Variants in RPL39 observed in about 807,000 individuals in gnomAD.
RPL39 encodes the protein ribosomal protein L39, also known as large ribosomal subunit protein eL39.
For missense variants in RPL39, 6 were observed against 37.2 expected, an observed-to-expected ratio of 0.16 and a Z score of 2.18; for synonymous variants, 8 against 11.4, an observed-to-expected ratio of 0.70 and a Z score of 0.60.
chrX:119,791,222 G>C (rs1285017810), intron 1 of RPL39: 2 of 225,966 alleles, frequency 8.9e-6, no homozygotes, highest in African/African-American at 5.8e-5. Context: ...GCAGCCCACA[G>C]TCAGGCCACG....
At chrX:119,791,412 C>T in intron 1 of RPL39, 162 bp downstream of exon 1, 1 of 440,591 alleles carries the variant, frequency 2.3e-6, no homozygotes, top group Non-Finnish European at 3.5e-6. Flanking sequence ...ACTAGCTTCC[C>T]TCCAGGCCAC....
intron 1 of RPL39, chrX:119,790,933 C>T (rs2055696748): frequency 8.9e-6 from 1 of 112,205 alleles, no homozygotes; most frequent in Non-Finnish European, 1.9e-5. Context: ...CTTATCGCCT[C>T]CATATCTAGA....
At chrX:119,790,817 G>A (rs182612648) in intron 1 of RPL39, 2 of 110,599 alleles carry the variant, frequency 1.8e-5, no homozygotes, top group African/African-American at 6.6e-5. Flanking sequence ...ATAATAATGG[G>A]AGCCAATACA....
chrX:119,787,273 C>A, intron 2 of RPL39: 1 of 328,014 alleles, frequency 3.0e-6, no homozygotes. Flanking sequence ...AGGCATGAGC[C>A]ACTGCACCTG....
In RPL39 at chrX:119,786,657, T is replaced by C; in HGVS notation, c.*27A>G. On this transcript the variant is annotated 3_prime_UTR_variant, in exon 3 of 3. Coordinates refer to ENST00000361575, the MANE Select transcript of RPL39 (RefSeq NM_001000.4). ...GATCGTGACCTTCAGACAGCATAAA[T>C]ATGTGTGCCATCTCATGTGCAATTC... is the stretch of plus-strand genomic sequence containing the variant. The C allele has an allele frequency of 4.5e-6, 5 of 1,102,120 alleles. No homozygotes were observed. The highest frequency in any genetic ancestry group is 6.3e-6 in the Non-Finnish European group (5 of 799,461). 90.8% of individuals were successfully genotyped at this position (1,102,120 alleles called of 1,213,427 possible). A position where few individuals can be genotyped will look rare whatever the true frequency, so the allele number is the denominator to read the frequency against.
At chrX:119,787,562 A>G (rs2055674160) in intron 2 of RPL39, 3 of 322,409 alleles carry the variant, frequency 9.3e-6, no homozygotes, top group Admixed American at 3.2e-5. Context: ...GGTCAAGGGT[A>G]TATAATCTTA....
chrX:119,786,855 T>C (rs1483692878), intron 2 of RPL39, 123 bp from the exon 3 acceptor site: 8 of 518,891 alleles, frequency 1.5e-5, no homozygotes, highest in African/African-American at 2.4e-5. Context: ...TCTAACAAGT[T>C]TGGAGTTCTT....
intron 1 of RPL39, 118 bp downstream of exon 1, chrX:119,791,456 T>A: frequency 1.5e-6 from 1 of 675,271 alleles, no homozygotes. Context: ...GATATTTTCT[T>A]GAAAAAGCCT....
At chrX:119,791,273 A>AT in intron 1 of RPL39, 1 of 266,348 alleles carries the variant, frequency 3.8e-6, no homozygotes. Flanking sequence ...CCGCCTCCAG[A>AT]ACGAGTTCGC....
In RPL39 at chrX:119,791,596, AAC is replaced by A. The variant is rs1454513935; in HGVS notation, c.-22_-21del. On this transcript the variant is annotated 5_prime_UTR_variant, in exon 1 of 3. Coordinates refer to ENST00000361575, the MANE Select transcript of RPL39 (RefSeq NM_001000.4). Reference sequence around the variant, plus strand: ...TACCATGGCGAGCAGCGGAGTCAAGAACACACCACGATGGCGGAGAAAGGAAG... The same window carrying A: ...TACCATGGCGAGCAGCGGAGTCAAGAACACCACGATGGCGGAGAAAGGAAG... 5.1e-6 allele frequency: 6 copies of A among 1,174,655 alleles called. No homozygotes were observed. The highest frequency in any genetic ancestry group is 6.8e-6 in the Non-Finnish European group (6 of 876,060).
chrX:119,787,873 G>T (rs1301430589), intron 2 of RPL39, among the ~76,000 whole-genome samples: 1 of 110,739 alleles, frequency 9.0e-6, no homozygotes, highest in Non-Finnish European at 1.9e-5. Context: ...GCCCAGGCTG[G>T]TCTCAAATTC....
intron 2 of RPL39, among the ~76,000 whole-genome samples, chrX:119,789,496 G>A (rs1288323880): frequency 8.9e-6 from 1 of 112,493 alleles, no homozygotes; most frequent in Non-Finnish European, 1.9e-5. Context: ...GGCAGAGGTT[G>A]CAGTGAGCCG....
At chrX:119,790,487 C>T (rs191578382) in intron 1 of RPL39, 3 of 114,219 alleles carry the variant, frequency 2.6e-5, no homozygotes, top group African/African-American at 6.5e-5. Flanking sequence ...GGGGTACGTA[C>T]TTTTCAAGTG....
chrX:119,789,080 C>T (rs946884831), intron 2 of RPL39, among the ~76,000 whole-genome samples: 44 of 110,095 alleles, frequency 4.0e-4, no homozygotes, highest in Admixed American at 2.9e-4. Flanking sequence ...GCTTGGGCAA[C>T]ACAGAGAGAC....
intron 2 of RPL39, among the ~76,000 whole-genome samples, chrX:119,789,402 T>C (rs1460800501): frequency 9.0e-6 from 1 of 111,416 alleles, no homozygotes; most frequent in Non-Finnish European, 1.9e-5. Context: ...ACTAAAAATA[T>C]AAAACTTAGC....
At position 119,787,220 on chromosome X, in the gene RPL39, T is replaced by TTC. The variant is rs769788222; in HGVS notation, c.108-490_108-489dup. ...CAGGCTGGTCTCGAACTGGCTGGAC[T>TTC]TCGAGATCCACCCGCCTCGTCCTCC... is the stretch of plus-strand genomic sequence containing the variant. On this transcript the variant is annotated intron_variant, in intron 2 of 2. Transcript: ENST00000361575. 133 of 266,604 alleles carry TTC rather than the reference T, an allele frequency of 5.0e-4. 1 individual carries two copies. Among genetic ancestry groups the TTC allele is most frequent in the Middle Eastern group, 2.4e-3 (2 of 836 alleles). 22.0% of individuals were successfully genotyped at this position (266,604 alleles called of 1,213,427 possible).
rs774440656 is a variant in RPL39, at chrX:119,791,607, A to G, written c.-31T>C. The G allele has an allele frequency of 8.6e-7, 1 of 1,165,040 alleles. No individual in the cohort carries two copies. Among genetic ancestry groups the G allele is most frequent in the East Asian group, 3.2e-5 (1 of 30,871 alleles). On this transcript the variant is annotated 5_prime_UTR_variant, in exon 1 of 3. Transcript: ENST00000361575. The stretch of plus-strand genomic sequence containing the variant: ...GCAGCGGAGTCAAGAACACACCACG[A>G]TGGCGGAGAAAGGAAGAGGAGGGAA...
chrX:119,791,308 C>T (rs937250646), intron 1 of RPL39: 10 of 291,378 alleles, frequency 3.4e-5, no homozygotes, highest in Non-Finnish European at 5.7e-5. Flanking sequence ...AACCGGAATC[C>T]CTGCCCGACT....
intron 2 of RPL39, among the ~76,000 whole-genome samples, chrX:119,789,168 GGTGGGAGGGT>G (rs2055685205): frequency 9.0e-6 from 1 of 111,255 alleles, no homozygotes; most frequent in Admixed American, 9.6e-5. Flanking sequence ...AGAGAGATGA[GGTGGGAGGGT>G]CACTTGAGTC....
Sources: allele counts gnomAD v4.1 joint callset (sites outside exome capture counted in the v4.1 genomes callset), GRCh38; gene constraint gnomAD v4.1.1; transcripts MANE v1.5; gene names NCBI Gene and HGNC (gene_info 2026-07-23, HGNC 2026-07-21).